Variants in TCF4 observed in about 807,000 individuals in gnomAD.
TCF4 encodes the protein transcription factor 4.
In TCF4, 3 loss-of-function variants were observed where a neutral mutation model predicts 82.1. The ratio of observed to expected loss-of-function variants is 0.04; its 90% CI spans 0.02 to 0.09. The LOEUF is 0.09. TCF4 is among the 10% of genes least tolerant of loss of function. TCF4 has a pLI of 1.00. For missense variants in TCF4, 518 were observed against 852.7 expected, an observed-to-expected ratio of 0.61 and a Z score of 4.89; for synonymous variants, 276 against 309.6, an observed-to-expected ratio of 0.89 and a Z score of 1.14.
chr18:55,509,537 AC>A (rs1191919660), intron 3 of TCF4, among the ~76,000 whole-genome samples: 1 of 152,188 alleles, frequency 6.6e-6, no homozygotes, highest in African/African-American at 2.4e-5. Flanking sequence ...AAAAGAATGG[AC>A]TGTTGAAAGA....
intron 11 of TCF4, among the ~76,000 whole-genome samples, chr18:55,263,298 T>C (rs1044981131): frequency 1.3e-5 from 2 of 152,158 alleles, no homozygotes; most frequent in Admixed American, 1.3e-4. Context: ...AGGTATTGTA[T>C]AAGCAAGTTC....
chr18:55,626,315 A>G (rs976909624), intron 2 of TCF4, among the ~76,000 whole-genome samples: 3 of 152,194 alleles, frequency 2.0e-5, no homozygotes, highest in Non-Finnish European at 4.4e-5. Context: ...TTCCTTTATT[A>G]GATCATATTT....
At chr18:55,618,023 C>A (rs2097713933) in intron 2 of TCF4, among the ~76,000 whole-genome samples, 1 of 152,000 alleles carries the variant, frequency 6.6e-6, no homozygotes, top group Non-Finnish European at 1.5e-5. Context: ...CTTTCTTAGT[C>A]CTAATCTTAG....
intron 17 of TCF4, 114 bp downstream of exon 17, chr18:55,232,395 T>C (rs1316135430): frequency 8.2e-7 from 1 of 1,222,288 alleles, no homozygotes; most frequent in East Asian, 2.4e-5. Flanking sequence ...TAATTTTCTT[T>C]TCAGCTGTAA....
chr18:55,228,661 C>T (rs1346441643), intron 18 of TCF4, among the ~76,000 whole-genome samples, 186 bp downstream of exon 18: 1 of 152,186 alleles, frequency 6.6e-6, no homozygotes, highest in Non-Finnish European at 1.5e-5. Flanking sequence ...GAGAATCCCA[C>T]AACTTAATTA....
At chr18:55,463,579 AC>A (rs2095921075) in intron 4 of TCF4, among the ~76,000 whole-genome samples, 1 of 152,220 alleles carries the variant, frequency 6.6e-6, no homozygotes, top group Non-Finnish European at 1.5e-5. Flanking sequence ...TAACATGTCT[AC>A]ATAGCGAAAT....
At chr18:55,400,963 A>G in intron 6 of TCF4, 1 of 1,289,036 alleles carries the variant, frequency 7.8e-7, no homozygotes, top group Non-Finnish European at 1.0e-6. Flanking sequence ...TGTAGTAAAC[A>G]GAAGAAAACA....
chr18:55,567,406 T>G (rs1235216329), intron 3 of TCF4, among the ~76,000 whole-genome samples: 1 of 152,240 alleles, frequency 6.6e-6, no homozygotes, highest in African/African-American at 2.4e-5. Context: ...AATCTACTTT[T>G]CTCAATAACA....
intron 14 of TCF4, 139 bp downstream of exon 14, chr18:55,257,176 G>T: frequency 1.2e-6 from 1 of 838,134 alleles, no homozygotes; most frequent in Non-Finnish European, 2.0e-6. Context: ...AATGACTCTG[G>T]CTCCCGCAAA....
At chr18:55,464,491 A>G (rs539183724) in intron 3 of TCF4, among the ~76,000 whole-genome samples, 1 of 152,344 alleles carries the variant, frequency 6.6e-6, no homozygotes, top group East Asian at 1.9e-4. Context: ...CTTTAATGCA[A>G]AAAAAGTTAA....
intron 8 of TCF4, among the ~76,000 whole-genome samples, chr18:55,292,867 C>T (rs1192171858): frequency 1.3e-5 from 2 of 152,044 alleles, no homozygotes; most frequent in Non-Finnish European, 2.9e-5. Context: ...TATTTACACA[C>T]ATTATACATA....
intron 6 of TCF4, among the ~76,000 whole-genome samples, chr18:55,356,177 T>C (rs972552213): frequency 6.6e-6 from 1 of 152,148 alleles, no homozygotes. Flanking sequence ...CATATTACAA[T>C]CCACTGATTA....
chr18:55,503,563 GT>G (rs2146092951), intron 3 of TCF4, among the ~76,000 whole-genome samples: 1 of 152,298 alleles, frequency 6.6e-6, no homozygotes, highest in Admixed American at 6.5e-5. Flanking sequence ...AGAAGTCCTT[GT>G]GTTATCCACG....
intron 6 of TCF4, among the ~76,000 whole-genome samples, chr18:55,396,655 T>C (rs1214203649): frequency 1.3e-5 from 2 of 152,170 alleles, no homozygotes; most frequent in African/African-American, 4.8e-5. Flanking sequence ...ACCAAAAGAA[T>C]ACTGAAGTTT....
intron 5 of TCF4, among the ~76,000 whole-genome samples, chr18:55,448,786 C>T (rs1462499345): frequency 6.6e-6 from 1 of 152,170 alleles, no homozygotes; most frequent in Non-Finnish European, 1.5e-5. Flanking sequence ...CTTTTTATGC[C>T]AGAGCAGGTG....
At position 55,275,794 on chromosome 18, in the gene TCF4, G is replaced by C. The variant is rs752846554; in HGVS notation, c.656-42C>G. 5 of 1,613,194 alleles carry C rather than the reference G, an allele frequency of 3.1e-6. No homozygotes were observed. In the South Asian group the frequency reaches 4.4e-5, roughly 14 times the overall value. On this transcript the variant is annotated intron_variant, in intron 9 of 19. Coordinates refer to ENST00000354452, the MANE Select transcript of TCF4 (RefSeq NM_001083962.2). ...CAACCATGACTTTCTGAGGCATTCA[G>C]CCTTGCCTTATAGAATAGGGTTTTT...
intron 3 of TCF4, among the ~76,000 whole-genome samples, chr18:55,470,291 C>T (rs2096144997): frequency 1.3e-5 from 2 of 152,132 alleles, no homozygotes. Flanking sequence ...AAATCTGAGC[C>T]TTACATTTTT....
At chr18:55,229,123 A>G (rs925596876) in intron 17 of TCF4, 47 bp from the exon 18 acceptor site, 3 of 1,598,074 alleles carry the variant, frequency 1.9e-6, no homozygotes, top group Non-Finnish European at 2.6e-6. Context: ...GTGGGGAAAA[A>G]GAAGGTGTCT....
chr18:55,515,275 T>C (rs2096870621), intron 3 of TCF4, among the ~76,000 whole-genome samples: 1 of 152,136 alleles, frequency 6.6e-6, no homozygotes, highest in Non-Finnish European at 1.5e-5. Flanking sequence ...AAAAATGGCC[T>C]CACCAAGTTA....
Sources: allele counts gnomAD v4.1 joint callset (sites outside exome capture counted in the v4.1 genomes callset), GRCh38; gene constraint gnomAD v4.1.1; transcripts MANE v1.5; gene names NCBI Gene and HGNC (gene_info 2026-07-23, HGNC 2026-07-21).